The following MYO9A variants were observed in gnomAD, a reference collection of about 807,000 sequenced individuals.
The protein encoded by MYO9A is myosin IXA, also known as unconventional myosin-IXa.
MYO9A carries 103 observed loss-of-function variants against 293.3 expected under a neutral mutation model. The ratio of observed to expected loss-of-function variants is 0.35; its 90% confidence interval spans 0.30 to 0.41. MYO9A has a LOEUF of 0.41. Ranked by LOEUF, MYO9A falls within the 10% of genes least tolerant of loss-of-function variation. The pLI is 1.00. For synonymous variants in MYO9A, 1,001 were observed against 1,035.7 expected, an observed-to-expected ratio of 0.97 and a Z score of 0.64; for missense variants, 2,685 against 3,033.0, an observed-to-expected ratio of 0.89 and a Z score of 2.69.
In MYO9A at chr15:71,826,632, C is replaced by T; in HGVS notation, c.7595G>A (p.Cys2532Tyr). ...SGRRKTVDPD[C>Y]TSNQQLALFG... Reference sequence around the variant, plus strand: ...GAGTGCTAGCTGTTGGTTGGAGGTGCAGTCTGGGTCCACAGTTTTTCTGCG... The same window carrying T: ...GAGTGCTAGCTGTTGGTTGGAGGTGTAGTCTGGGTCCACAGTTTTTCTGCG... Residue 2532 changes from cysteine to tyrosine, a missense_variant, in exon 42 of 42, where the codon TGC (cysteine) becomes TAC (tyrosine). By Grantham distance (194) the Cys-to-Tyr change is radical. Around this residue, in one of 10 missense-constraint regions of MYO9A, gnomAD observed 350 missense variants for 328.9 expected, o/e 1.06. Coordinates refer to ENST00000356056, the MANE Select transcript of MYO9A (RefSeq NM_006901.4). 6.2e-7 allele frequency: 1 copy of T among 1,611,128 alleles called. No individual in the cohort carries two copies. The highest frequency in any genetic ancestry group is 8.5e-7 in the Non-Finnish European group (1 of 1,179,308).
In MYO9A at chr15:71,944,396, T is replaced by C. The variant is rs553289231; in HGVS notation, c.2303-5469A>G. ...TTCCTTTTATATTCATGCTCTTATG[T>C]CTCATCTAAGAAACTTTTGCCTGTC... On this transcript the variant is annotated intron_variant, in intron 15 of 41. Transcript: ENST00000356056. Among the ~76,000 whole-genome samples, 6 of 152,296 alleles carry C rather than the reference T, an allele frequency of 3.9e-5. No homozygotes were observed. In the South Asian group the frequency reaches 1.2e-3, roughly 32 times the overall value.
At chr15:71,871,020 G>A (rs990271283) in intron 32 of MYO9A, among the ~76,000 whole-genome samples, 5 of 152,110 alleles carry the variant, frequency 3.3e-5, no homozygotes, top group East Asian at 3.9e-4. Context: ...TCCATAACTC[G>A]ATCTTGAGAC....
At chr15:72,046,757 C>T (rs1028358782) in intron 1 of MYO9A, 123 bp from the exon 2 acceptor site, 1 of 521,952 alleles carries the variant, frequency 1.9e-6, no homozygotes, top group Admixed American at 3.7e-5. Context: ...TAACTCTTGT[C>T]TTAGCACAGC....
At chr15:71,968,271 G>T (rs1284481293) in intron 12 of MYO9A, 146 bp from the exon 13 acceptor site, 1 of 555,966 alleles carries the variant, frequency 1.8e-6, no homozygotes, top group Admixed American at 3.7e-5. Context: ...TATCTAACCT[G>T]ATTCTCATAA....
chr15:72,032,345 A>C (rs1015478838), intron 3 of MYO9A, 149 bp downstream of exon 3: 2 of 476,136 alleles, frequency 4.2e-6, no homozygotes, highest in African/African-American at 4.0e-5. Context: ...CTGAGGTTTT[A>C]ACTTTTCCAA....
At position 71,880,986 on chromosome 15, in the gene MYO9A, G is replaced by A. The variant is rs377492356; in HGVS notation, c.5399-428C>T. On this transcript the variant is annotated intron_variant, in intron 28 of 41. Coordinates refer to ENST00000356056, the MANE Select transcript of MYO9A (RefSeq NM_006901.4). ...AAACAATATGTGTAGCTATATACAA[G>A]TCCAACAAACCAGTGGAGTTTGATA... Among the ~76,000 whole-genome samples the A allele has an allele frequency of 5.3e-5, 8 of 152,184 alleles. No individual in the cohort carries two copies. The East Asian group carries it at 1.2e-3, about 22-fold the overall frequency.
intron 13 of MYO9A, among the ~76,000 whole-genome samples, chr15:71,960,651 G>A (rs2075716084): frequency 2.0e-5 from 3 of 152,188 alleles, no homozygotes; most frequent in African/African-American, 7.2e-5. Flanking sequence ...GTAGCTAACT[G>A]GACCGGGTAT....
intron 1 of MYO9A, among the ~76,000 whole-genome samples, chr15:72,059,601 G>A (rs2078821821): frequency 1.3e-5 from 2 of 152,146 alleles, no homozygotes; most frequent in African/African-American, 4.8e-5. Context: ...AAAGAGGTTT[G>A]TGTTCACATT....
intron 1 of MYO9A, among the ~76,000 whole-genome samples, chr15:72,091,669 C>G (rs555663713): frequency 6.6e-6 from 1 of 152,032 alleles, no homozygotes; most frequent in African/African-American, 2.4e-5. Flanking sequence ...ACAACTACAA[C>G]TAAGATTTTT....
At chr15:72,100,645 C>T (rs1213938761) in intron 1 of MYO9A, among the ~76,000 whole-genome samples, 1 of 151,254 alleles carries the variant, frequency 6.6e-6, no homozygotes, top group Non-Finnish European at 1.5e-5. Flanking sequence ...ACCTCTGCCC[C>T]GCCACGACCC....
chr15:71,838,675 C>A (rs923122664), intron 39 of MYO9A, among the ~76,000 whole-genome samples: 5 of 152,106 alleles, frequency 3.3e-5, no homozygotes, highest in African/African-American at 1.2e-4. Flanking sequence ...CCCAGATTTC[C>A]AATCCTTTAT....
chr15:72,055,175 A>G (rs1340585643), intron 1 of MYO9A, among the ~76,000 whole-genome samples: 2 of 152,334 alleles, frequency 1.3e-5, no homozygotes, highest in South Asian at 2.1e-4. Context: ...AGTCATAGCT[A>G]TTTGAAAGGC....
intron 1 of MYO9A, among the ~76,000 whole-genome samples, chr15:72,085,202 G>A (rs2150461991): frequency 6.6e-6 from 1 of 152,216 alleles, no homozygotes; most frequent in African/African-American, 2.4e-5. Flanking sequence ...AGACCAGCCT[G>A]GCCAACATGG....
Position 71,960,011 on chromosome 15 carries a change from A to ATC in MYO9A, c.2070_2071dup (p.Met691ArgfsTer2). The ATC allele has an allele frequency of 6.2e-7, 1 of 1,614,122 alleles. No homozygotes were observed. Among genetic ancestry groups the ATC allele is most frequent in the Non-Finnish European group, 8.5e-7 (1 of 1,179,974 alleles). On this transcript the variant is annotated frameshift_variant, in exon 14 of 42. Coordinates refer to ENST00000356056, the MANE Select transcript of MYO9A (RefSeq NM_006901.4). LOFTEE classifies it high-confidence loss of function. Reference sequence around the variant, plus strand: ...AACAGCTACAGGATCAATTCCAATCATCCCAGAGATAAATGCATTCTTGCT... The same window carrying ATC: ...AACAGCTACAGGATCAATTCCAATCATCTCCCAGAGATAAATGCATTCTTGCT...
intron 1 of MYO9A, among the ~76,000 whole-genome samples, chr15:72,108,220 CCA>C (rs2080645345): frequency 6.6e-6 from 1 of 152,144 alleles, no homozygotes; most frequent in Non-Finnish European, 1.5e-5. Context: ...TAAGCAAACA[CCA>C]CCTTAAACCT....
Position 71,935,438 on chromosome 15 carries a change from T to C in MYO9A, c.2425A>G (p.Ser809Gly). ...AWNGRTGIRQSRLSSGTSLLD... is the reference protein window; with the variant it reads ...AWNGRTGIRQGRLSSGTSLLD... ...AAGGAGGTGCCACTTGATAGTCTGC[T>C]CTGGCGAATCCCAGTTCTGCCATTC... The change falls in exon 17 of 42, where the codon AGC (serine) becomes GGC (glycine). Residue 809 changes from serine (S) to glycine (G), a missense_variant. Ser to Gly is a moderately conservative substitution (Grantham distance 56, BLOSUM62 0). Around this residue, in one of 10 missense-constraint regions of MYO9A, gnomAD observed 1,434 missense variants for 1,497.7 expected, o/e 0.96. Coordinates refer to ENST00000356056, the MANE Select transcript of MYO9A (RefSeq NM_006901.4). The C allele has an allele frequency of 6.2e-7, 1 of 1,613,690 alleles. No individual in the cohort carries two copies. The highest frequency in any genetic ancestry group is 1.3e-5 in the African/African-American group (1 of 75,038).
chr15:72,096,160 CAAAA>C (rs990440272), intron 1 of MYO9A, among the ~76,000 whole-genome samples: 2 of 61,488 alleles, frequency 3.3e-5, no homozygotes. Context: ...GAGACTGTCT[CAAAA>C]AAAAAAAAAA....
chr15:71,992,546 A>C (rs547058455), intron 10 of MYO9A, among the ~76,000 whole-genome samples: 73 of 152,306 alleles, frequency 4.8e-4, no homozygotes, highest in African/African-American at 1.5e-3. Context: ...AAAATAAATC[A>C]ATTTGATAAA....
At chr15:71,873,543 T>C (rs1430889980) in intron 32 of MYO9A, among the ~76,000 whole-genome samples, 1 of 152,178 alleles carries the variant, frequency 6.6e-6, no homozygotes, top group Non-Finnish European at 1.5e-5. Context: ...AAGAAGATTA[T>C]GCAAATTACA....
Sources: gnomAD v4.1 joint callset for allele counts (sites outside exome capture counted in the v4.1 genomes callset) on GRCh38, gnomAD v4.1.1 for gene constraint, gnomAD v4.1.1 regional missense constraint, MANE v1.5 for transcripts, NCBI Gene and HGNC (gene_info 2026-07-23, HGNC 2026-07-21) for gene names.